The following APOH variants were observed in gnomAD, a reference collection of about 807,000 sequenced individuals.
APOH encodes the protein beta-2-glycoprotein 1.
A neutral mutation model predicts 39.8 loss-of-function variants in APOH; 48 were observed. The ratio of observed to expected loss-of-function variants is 1.21; its 90% CI spans 0.96 to 1.54. The LOEUF (loss-of-function observed/expected upper bound fraction) is 1.54. Among genes scored for constraint, APOH ranks in the 40% most tolerant of loss-of-function variants. APOH has a pLI of 0.00. For missense variants in APOH, 415 were observed against 421.2 expected, an observed-to-expected ratio of 0.99 and a Z score of 0.13; for synonymous variants, 153 against 151.1, an observed-to-expected ratio of 1.01 and a Z score of -0.09.
chr17:66,221,197 GAGAA>G (rs1369924502), intron 4 of APOH, among the ~76,000 whole-genome samples: 1 of 137,356 alleles, frequency 7.3e-6, no homozygotes, highest in Non-Finnish European at 1.6e-5. Flanking sequence ...TCTCAGAAAA[GAGAA>G]AGAAAGAAGG....
intron 5 of APOH, among the ~76,000 whole-genome samples, chr17:66,217,531 C>A (rs190881143): frequency 2.6e-5 from 4 of 152,130 alleles, no homozygotes; most frequent in Admixed American, 6.6e-5. Flanking sequence ...AGCTGCAGTG[C>A]GAGAAAGCAA....
intron 3 of APOH, 129 bp downstream of exon 3, chr17:66,225,899 A>C: frequency 1.7e-6 from 1 of 583,340 alleles, no homozygotes. Context: ...AAGCAGGACT[A>C]AAATCGATTT....
intron 7 of APOH, among the ~76,000 whole-genome samples, chr17:66,214,142 C>T (rs1246649806): frequency 6.6e-6 from 1 of 152,154 alleles, no homozygotes; most frequent in Non-Finnish European, 1.5e-5. Flanking sequence ...TCACTGCAAC[C>T]TCCACCTCCC....
At position 66,228,132 on chromosome 17, in the gene APOH, T is replaced by C. The variant is rs763794354; in HGVS notation, c.129A>G (p.Pro43=). The C allele has an allele frequency of 4.3e-6, 7 of 1,614,226 alleles. No individual in the cohort carries two copies. The highest frequency in any genetic ancestry group is 8.5e-7 in the Non-Finnish European group (1 of 1,180,040). Residue 43 remains proline, a synonymous_variant, in exon 2 of 8, where the codon CCA becomes CCG. Coordinates refer to ENST00000205948, the MANE Select transcript of APOH (RefSeq NM_000042.3). ...TGCAGGAATACGTAATCTCTTCTCC[T>C]GGCTCATAGAATGTTTTTAACGGGA... is the stretch of plus-strand genomic sequence containing the variant. ...TVVPLKTFYE[P]GEEITYSCKP...
Position 66,214,621 on chromosome 17 carries a change from T to C in APOH, c.814A>G (p.Thr272Ala), listed in dbSNP as rs1250628201. The change falls in exon 7 of 8, where the codon ACT (threonine) becomes GCT (alanine). Residue 272 changes from threonine to alanine, a missense_variant. Thr to Ala is a moderately conservative substitution (Grantham distance 58). Coordinates refer to ENST00000205948, the MANE Select transcript of APOH (RefSeq NM_000042.3). ...ASCKVPVKKA[T>A]VVYQGERVKI... ...ACTCTCTCTCCTTGGTACACCACAGTGGCTTTTTTCACAGGTACTTTACAA... is the reference window on the plus strand; with the variant it reads ...ACTCTCTCTCCTTGGTACACCACAGCGGCTTTTTTCACAGGTACTTTACAA... The C allele has an allele frequency of 6.2e-7, 1 of 1,613,632 alleles. No homozygotes were observed. The highest frequency in any genetic ancestry group is 8.5e-7 in the Non-Finnish European group (1 of 1,179,882).
intron 6 of APOH, among the ~76,000 whole-genome samples, chr17:66,216,247 C>CTA (rs1323485788): frequency 6.6e-6 from 1 of 151,596 alleles, no homozygotes; most frequent in African/African-American, 2.4e-5. Flanking sequence ...TCTACAGAGG[C>CTA]CGAGGCGGGC....
intron 4 of APOH, among the ~76,000 whole-genome samples, chr17:66,223,435 C>G (rs1483531354): frequency 6.6e-6 from 1 of 152,214 alleles, no homozygotes; most frequent in Non-Finnish European, 1.5e-5. Flanking sequence ...GGAGTCAACA[C>G]ACCCAGAAAT....
At chr17:66,227,888 A>C in intron 2 of APOH, 132 bp downstream of exon 2, 1 of 904,742 alleles carries the variant, frequency 1.1e-6, no homozygotes, top group South Asian at 1.7e-5. Context: ...AGACCTTCTC[A>C]TTTCTCTCCA....
chr17:66,220,995 C>T (rs909586109), intron 4 of APOH, among the ~76,000 whole-genome samples: 4 of 151,942 alleles, frequency 2.6e-5, no homozygotes, highest in African/African-American at 9.7e-5. Context: ...GAATTTCAGA[C>T]CAGCCTGGTC....
At chr17:66,224,490 AAG>A (rs1491040691) in intron 3 of APOH, among the ~76,000 whole-genome samples, 14 of 88,420 alleles carry the variant, frequency 1.6e-4, no homozygotes, top group African/African-American at 4.4e-4. Flanking sequence ...AAAAAAAAAA[AAG>A]AAAAGAAAAG....
chr17:66,221,288 A>C, intron 4 of APOH, among the ~76,000 whole-genome samples: 1 of 137,362 alleles, frequency 7.3e-6, no homozygotes, highest in African/African-American at 2.7e-5. Flanking sequence ...GAAGGAAGGA[A>C]GGAAGTCAGA....
chr17:66,217,069 G>C, intron 5 of APOH, 102 bp from the exon 6 acceptor site: 7 of 985,182 alleles, frequency 7.1e-6, no homozygotes, highest in Non-Finnish European at 9.9e-6. Context: ...GAATCACTGT[G>C]TGTTCCTGTA....
chr17:66,216,321 A>G (rs1406093521), intron 6 of APOH, among the ~76,000 whole-genome samples: 1 of 152,092 alleles, frequency 6.6e-6, no homozygotes, highest in Non-Finnish European at 1.5e-5. Flanking sequence ...CATCTCTATT[A>G]AAAATACAAA....
intron 5 of APOH, among the ~76,000 whole-genome samples, chr17:66,218,036 A>T (rs773408127): frequency 5.9e-5 from 9 of 152,188 alleles, no homozygotes; most frequent in Admixed American, 4.6e-4. Context: ...CAGTGAATAA[A>T]TGTAGAAGGA....
At chr17:66,213,808 C>T (rs961377828) in intron 7 of APOH, among the ~76,000 whole-genome samples, 7 of 152,050 alleles carry the variant, frequency 4.6e-5, no homozygotes, top group Non-Finnish European at 7.4e-5. Flanking sequence ...CATGGTGGTG[C>T]GTGCATGTAA....
chr17:66,220,419 G>C, intron 5 of APOH, 135 bp downstream of exon 5: 1 of 802,868 alleles, frequency 1.2e-6, no homozygotes, highest in East Asian at 2.6e-5. Flanking sequence ...ACACTGCCTG[G>C]CACATGGTAG....
intron 7 of APOH, among the ~76,000 whole-genome samples, chr17:66,213,933 C>T (rs1187603355): frequency 6.7e-6 from 1 of 149,972 alleles, no homozygotes; most frequent in Non-Finnish European, 1.5e-5. Context: ...GAGACCTTGT[C>T]TCAAAAAAAA....
At chr17:66,222,567 C>CTCTTT in intron 4 of APOH, among the ~76,000 whole-genome samples, 1 of 84,884 alleles carries the variant, frequency 1.2e-5, no homozygotes, top group Non-Finnish European at 2.2e-5. Flanking sequence ...TTTCCACTTG[C>CTCTTT]TTTTTTTTTT....
chr17:66,223,852 T>TTAACATGAAGCAA, intron 3 of APOH, 78 bp from the exon 4 acceptor site: 2 of 1,252,496 alleles, frequency 1.6e-6, no homozygotes, highest in Non-Finnish European at 2.3e-6. Context: ...CCATTGAGCA[T>TTAACATGAAGCAA]TGCTTCATGT....
Sources: allele counts gnomAD v4.1 joint callset (sites outside exome capture counted in the v4.1 genomes callset), GRCh38; gene constraint gnomAD v4.1.1; transcripts MANE v1.5; gene names NCBI Gene and HGNC (gene_info 2026-07-23, HGNC 2026-07-21).